LEKR1: variants seen among roughly 807,000 people sequenced by gnomAD.
The protein encoded by LEKR1 is leucine, glutamate and lysine rich 1.
In LEKR1, 59 loss-of-function variants were observed where a neutral mutation model predicts 72.4. The observed-to-expected ratio is 0.82, with a 90% CI of 0.66 to 1.01. LEKR1 has a LOEUF of 1.01. Ranked by LOEUF, LEKR1 falls within the 50% of genes least tolerant of loss-of-function variation. LEKR1 has a pLI of 0.00. For missense variants in LEKR1, 728 were observed against 759.2 expected, an observed-to-expected ratio of 0.96 and a Z score of 0.48; for synonymous variants, 257 against 263.2, an observed-to-expected ratio of 0.98 and a Z score of 0.23.
intron 6 of LEKR1, among the ~76,000 whole-genome samples, chr3:156,977,279 G>A (rs1164484141): frequency 6.6e-6 from 1 of 152,166 alleles, no homozygotes; most frequent in Non-Finnish European, 1.5e-5. Context: ...ACCTCCAGCA[G>A]CCTCTCATTG....
intron 10 of LEKR1, among the ~76,000 whole-genome samples, chr3:157,021,621 T>A (rs559694658): frequency 6.6e-6 from 1 of 152,304 alleles, no homozygotes; most frequent in Admixed American, 6.5e-5. Flanking sequence ...CTGTCTTAAT[T>A]TGAGCAATCA....
intron 10 of LEKR1, among the ~76,000 whole-genome samples, chr3:157,021,139 T>C (rs976203373): frequency 1.8e-4 from 28 of 152,236 alleles, no homozygotes; most frequent in African/African-American, 6.7e-4. Flanking sequence ...TGTTTTTTTC[T>C]TGTAAATTTG....
intron 10 of LEKR1, among the ~76,000 whole-genome samples, chr3:157,023,802 G>A (rs1734005325): frequency 6.6e-6 from 1 of 152,136 alleles, no homozygotes; most frequent in Non-Finnish European, 1.5e-5. Context: ...GATTGAATTA[G>A]GAGATTTCTA....
intron 3 of LEKR1, among the ~76,000 whole-genome samples, chr3:156,908,535 T>C (rs1429518978): frequency 6.6e-6 from 1 of 152,192 alleles, no homozygotes; most frequent in African/African-American, 2.4e-5. Context: ...CTTCTTGTTT[T>C]GGACATTAGT....
intron 3 of LEKR1, among the ~76,000 whole-genome samples, chr3:156,865,906 G>C (rs1159559873): frequency 6.6e-6 from 1 of 151,990 alleles, no homozygotes; most frequent in Non-Finnish European, 1.5e-5. Flanking sequence ...TGAGATGCCA[G>C]ATCATCAGGA....
intron 10 of LEKR1, among the ~76,000 whole-genome samples, chr3:157,020,907 G>C (rs867620490): frequency 2.7e-5 from 4 of 146,562 alleles, no homozygotes; most frequent in Non-Finnish European, 4.6e-5. Context: ...AGTGTAAAAG[G>C]GTTCCTATTT....
At position 157,045,418 on chromosome 3, in the gene LEKR1, G is replaced by T; in HGVS notation, c.1747G>T (p.Glu583Ter). The change falls in exon 13 of 13, where the codon GAA (glutamate) becomes TAA (stop). Residue 583 changes from glutamate (E) to a stop codon, truncating the protein, a stop_gained. Transcript: ENST00000356539. LOFTEE classifies it low-confidence loss of function (END_TRUNC). Reference sequence around the variant, plus strand: ...GACAGAGGCTTTGAGTCAAGCCAGAGAACAGCTCCTGGAGCTCAGTAAGCT... The same window carrying T: ...GACAGAGGCTTTGAGTCAAGCCAGATAACAGCTCCTGGAGCTCAGTAAGCT... ...ELTEALSQAR[E>*]QLLELSKLRG... The T allele has an allele frequency of 6.2e-7, 1 of 1,614,116 alleles. No homozygotes were observed. Among genetic ancestry groups the T allele is most frequent in the Middle Eastern group, 1.6e-4 (1 of 6,062 alleles).
At chr3:156,980,445 GT>G (rs1019401771) in intron 7 of LEKR1, among the ~76,000 whole-genome samples, 33 of 152,318 alleles carry the variant, frequency 2.2e-4, no homozygotes, top group African/African-American at 7.7e-4. Context: ...TCAGGTGTCT[GT>G]GTAGATGGCT....
intron 2 of LEKR1, among the ~76,000 whole-genome samples, chr3:156,840,638 T>C (rs1167081269): frequency 6.6e-6 from 1 of 152,244 alleles, no homozygotes; most frequent in Non-Finnish European, 1.5e-5. Context: ...GGCTGCCTGT[T>C]AGCATTAACC....
intron 10 of LEKR1, among the ~76,000 whole-genome samples, chr3:157,011,877 T>C (rs1030690957): frequency 9.2e-5 from 14 of 152,078 alleles, no homozygotes; most frequent in Non-Finnish European, 1.5e-4. Flanking sequence ...TATAAGAAGA[T>C]AAAAGAATGG....
At chr3:156,950,996 T>G (rs1727106278) in intron 6 of LEKR1, among the ~76,000 whole-genome samples, 2 of 151,558 alleles carry the variant, frequency 1.3e-5, no homozygotes, top group African/African-American at 2.4e-5. Flanking sequence ...GATGTTGGTT[T>G]TGGGTTTGGC....
chr3:156,998,388 C>T (rs1376349411), intron 9 of LEKR1, among the ~76,000 whole-genome samples: 2 of 152,172 alleles, frequency 1.3e-5, no homozygotes, highest in East Asian at 1.9e-4. Context: ...TGGAGAAATT[C>T]GCTTACACCA....
chr3:156,937,850 A>G (rs1438930139), intron 5 of LEKR1, among the ~76,000 whole-genome samples: 1 of 152,234 alleles, frequency 6.6e-6, no homozygotes, highest in Non-Finnish European at 1.5e-5. Flanking sequence ...ACAAATTATT[A>G]ATATATGTAA....
intron 3 of LEKR1, among the ~76,000 whole-genome samples, chr3:156,875,781 G>A (rs1220269906): frequency 6.6e-6 from 1 of 152,032 alleles, no homozygotes; most frequent in Non-Finnish European, 1.5e-5. Flanking sequence ...AGATCATGAG[G>A]TCAGGAGATT....
At chr3:156,883,305 G>A (rs2108553440) in intron 3 of LEKR1, among the ~76,000 whole-genome samples, 1 of 152,274 alleles carries the variant, frequency 6.6e-6, no homozygotes, top group Non-Finnish European at 1.5e-5. Flanking sequence ...ATTGTATCTA[G>A]GAAGTAACTA....
chr3:156,919,131 A>G (rs763782199), intron 3 of LEKR1, among the ~76,000 whole-genome samples: 2 of 152,192 alleles, frequency 1.3e-5, no homozygotes, highest in East Asian at 3.8e-4. Context: ...TTGCAAATCG[A>G]GAGTACCCTC....
At chr3:156,925,533 C>G (rs971197081) in intron 4 of LEKR1, among the ~76,000 whole-genome samples, 5 of 151,996 alleles carry the variant, frequency 3.3e-5, no homozygotes, top group African/African-American at 1.2e-4. Flanking sequence ...CTCTTAGCAA[C>G]TGTTTTTCTT....
At chr3:156,945,047 GGTTCGCTT>G (rs1726561011) in intron 6 of LEKR1, among the ~76,000 whole-genome samples, 2 of 151,572 alleles carry the variant, frequency 1.3e-5, no homozygotes, top group South Asian at 2.1e-4. Context: ...AGTGTTCAAG[GGTTCGCTT>G]TTCTCTATAA....
chr3:156,917,451 AC>A (rs146377329), intron 3 of LEKR1, among the ~76,000 whole-genome samples: 10,803 of 152,058 alleles, frequency 0.071, 489 homozygotes, highest in African/African-American at 0.12. Flanking sequence ...AATTGAAGAA[AC>A]CCAAGTGAAA....
Sources: allele counts gnomAD v4.1 joint callset (sites outside exome capture counted in the v4.1 genomes callset), GRCh38; gene constraint gnomAD v4.1.1; transcripts MANE v1.5; gene names NCBI Gene and HGNC (gene_info 2026-07-23, HGNC 2026-07-21).